NRG3: variants seen among roughly 807,000 people sequenced by gnomAD.
The protein encoded by NRG3 is neuregulin 3.
In NRG3, 31 loss-of-function variants were observed where a neutral mutation model predicts 66.9. The observed-to-expected ratio is 0.46, with a 90% CI of 0.35 to 0.63. The LOEUF (loss-of-function observed/expected upper bound fraction) is 0.63. NRG3 is among the 20% of genes least tolerant of loss of function. The pLI is 0.00. For missense variants in NRG3, 910 were observed against 878.9 expected, an observed-to-expected ratio of 1.04 and a Z score of -0.45; for synonymous variants, 393 against 359.4, an observed-to-expected ratio of 1.09 and a Z score of -1.06.
At chr10:82,072,254 T>C (rs1203820344) in intron 1 of NRG3, among the ~76,000 whole-genome samples, 1 of 152,166 alleles carries the variant, frequency 6.6e-6, no homozygotes, top group African/African-American at 2.4e-5. Context: ...GCATTAAAGG[T>C]ATTAAGAAGG....
At chr10:82,679,146 G>C (rs2053931083) in intron 2 of NRG3, among the ~76,000 whole-genome samples, 1 of 152,168 alleles carries the variant, frequency 6.6e-6, no homozygotes, top group Non-Finnish European at 1.5e-5. Context: ...CCATTGTGCT[G>C]TCTTGTACAT....
chr10:82,600,778 TATTTTTATTTTTTTTA>T (rs1420957645), intron 2 of NRG3, among the ~76,000 whole-genome samples: 1 of 152,112 alleles, frequency 6.6e-6, no homozygotes, highest in East Asian at 1.9e-4. Flanking sequence ...ATATCTCATT[TATTTTTATTTTTTTTA>T]ATTTTTATTT....
chr10:81,919,208 G>C (rs992056952), intron 1 of NRG3, among the ~76,000 whole-genome samples: 7 of 152,234 alleles, frequency 4.6e-5, no homozygotes, highest in African/African-American at 1.7e-4. Flanking sequence ...CACTTGAAGG[G>C]ATGGCATGGG....
intron 2 of NRG3, among the ~76,000 whole-genome samples, chr10:82,437,356 A>C (rs1423920620): frequency 6.6e-6 from 1 of 151,426 alleles, no homozygotes; most frequent in Non-Finnish European, 1.5e-5. Flanking sequence ...ATGCTTCATG[A>C]AGTTCTTGTG....
At chr10:82,717,925 A>C (rs1020809679) in intron 2 of NRG3, among the ~76,000 whole-genome samples, 1 of 151,996 alleles carries the variant, frequency 6.6e-6, no homozygotes, top group Non-Finnish European at 1.5e-5. Flanking sequence ...AAGCCTCACA[A>C]AACAAGCCCA....
At chr10:82,323,291 A>G (rs536102763) in intron 1 of NRG3, among the ~76,000 whole-genome samples, 1 of 152,154 alleles carries the variant, frequency 6.6e-6, no homozygotes, top group East Asian at 1.9e-4. Context: ...TTTTTTATAC[A>G]TCAAAACTGC....
intron 2 of NRG3, among the ~76,000 whole-genome samples, chr10:82,459,136 G>A (rs779807903): frequency 6.6e-6 from 1 of 152,146 alleles, no homozygotes; most frequent in Non-Finnish European, 1.5e-5. Flanking sequence ...TAGAATCAAA[G>A]CACTTTGTTT....
chr10:82,002,726 A>T (rs182664217), intron 1 of NRG3, among the ~76,000 whole-genome samples: 14 of 152,294 alleles, frequency 9.2e-5, no homozygotes, highest in Admixed American at 9.2e-4. Context: ...CTGTCATACA[A>T]ATTCCTGCTT....
chr10:82,127,636 G>C (rs2068533512), intron 1 of NRG3, among the ~76,000 whole-genome samples: 1 of 151,980 alleles, frequency 6.6e-6, no homozygotes, highest in African/African-American at 2.4e-5. Context: ...AACCTGAGTG[G>C]AAGTGTGCCA....
At chr10:82,019,809 C>T (rs897665036) in intron 1 of NRG3, among the ~76,000 whole-genome samples, 2 of 151,938 alleles carry the variant, frequency 1.3e-5, no homozygotes, top group Admixed American at 1.3e-4. Context: ...TTTATTGTGT[C>T]TATTTGATTC....
chr10:82,788,521 G>A (rs912319677), intron 3 of NRG3, among the ~76,000 whole-genome samples: 1 of 152,100 alleles, frequency 6.6e-6, no homozygotes, highest in Non-Finnish European at 1.5e-5. Flanking sequence ...AGTGAGCCAA[G>A]ACTGCACCAC....
chr10:82,969,834 G>T (rs968924753), intron 6 of NRG3, among the ~76,000 whole-genome samples: 1 of 152,066 alleles, frequency 6.6e-6, no homozygotes, highest in Non-Finnish European at 1.5e-5. Context: ...ACATGCAAAT[G>T]CACACAGAAA....
intron 2 of NRG3, among the ~76,000 whole-genome samples, chr10:82,711,728 A>G (rs1395963521): frequency 6.6e-6 from 1 of 152,022 alleles, no homozygotes; most frequent in Non-Finnish European, 1.5e-5. Context: ...GTTCTCTACT[A>G]TTGGTCTGTT....
intron 4 of NRG3, among the ~76,000 whole-genome samples, chr10:82,932,031 T>C (rs1296817024): frequency 6.6e-6 from 1 of 152,186 alleles, no homozygotes; most frequent in Non-Finnish European, 1.5e-5. Flanking sequence ...TTTACAGTCT[T>C]AGCTCCCACC....
intron 1 of NRG3, among the ~76,000 whole-genome samples, chr10:81,927,191 CAT>C (rs1250860780): frequency 6.6e-6 from 1 of 152,142 alleles, no homozygotes; most frequent in Admixed American, 6.5e-5. Flanking sequence ...TGACACAAAA[CAT>C]ATGCCTAAGC....
At chr10:82,434,586 T>C (rs2090014831) in intron 2 of NRG3, among the ~76,000 whole-genome samples, 1 of 152,210 alleles carries the variant, frequency 6.6e-6, no homozygotes, top group African/African-American at 2.4e-5. Context: ...TGTGGGCTTG[T>C]CATAAATAGC....
At chr10:82,013,661 A>T (rs1002718044) in intron 1 of NRG3, among the ~76,000 whole-genome samples, 2 of 152,158 alleles carry the variant, frequency 1.3e-5, no homozygotes, top group African/African-American at 2.4e-5. Context: ...ATTCCTTTAA[A>T]AAAGGACTTT....
At chr10:82,552,174 T>A (rs369523847) in intron 2 of NRG3, among the ~76,000 whole-genome samples, 2 of 152,314 alleles carry the variant, frequency 1.3e-5, no homozygotes, top group African/African-American at 4.8e-5. Flanking sequence ...TATTTTTTTT[T>A]ACATATTAGT....
At chr10:82,516,439 A>G (rs925294115) in intron 2 of NRG3, among the ~76,000 whole-genome samples, 1 of 152,128 alleles carries the variant, frequency 6.6e-6, no homozygotes, top group South Asian at 2.1e-4. Context: ...CAATCAACCA[A>G]TATACTAAGT....
Sources: gnomAD v4.1 joint callset for allele counts (sites outside exome capture counted in the v4.1 genomes callset) on GRCh38, gnomAD v4.1.1 for gene constraint, MANE v1.5 for transcripts, NCBI Gene and HGNC (gene_info 2026-07-23, HGNC 2026-07-21) for gene names.